The following TMEM132B variants were observed in gnomAD, a reference collection of about 807,000 sequenced individuals.
The protein encoded by TMEM132B is transmembrane protein 132B.
In TMEM132B, 18 loss-of-function variants were observed where a neutral mutation model predicts 90.8. The ratio of observed to expected loss-of-function variants is 0.20; its 90% CI spans 0.14 to 0.29. TMEM132B has a LOEUF of 0.29. Ranked by LOEUF, TMEM132B falls within the 10% of genes least tolerant of loss-of-function variation. TMEM132B has a pLI of 1.00. For missense variants in TMEM132B, 1,096 were observed against 1,326.8 expected, an observed-to-expected ratio of 0.83 and a Z score of 2.70; for synonymous variants, 504 against 523.3, an observed-to-expected ratio of 0.96 and a Z score of 0.50.
chr12:125,553,808 G>T (rs540877889), intron 4 of TMEM132B, among the ~76,000 whole-genome samples: 52 of 152,270 alleles, frequency 3.4e-4, no homozygotes, highest in African/African-American at 1.1e-3. Context: ...CAAAGTCTTG[G>T]ACAGGCAACA....
chr12:125,574,725 G>A (rs189851275), intron 4 of TMEM132B, among the ~76,000 whole-genome samples: 61 of 152,028 alleles, frequency 4.0e-4, no homozygotes, highest in Non-Finnish European at 8.1e-4. Context: ...TGTTGAAGAT[G>A]CCCTGTATTA....
intron 3 of TMEM132B, among the ~76,000 whole-genome samples, chr12:125,471,676 G>A (rs779178211): frequency 5.9e-5 from 9 of 152,186 alleles, no homozygotes; most frequent in Non-Finnish European, 2.9e-5. Context: ...TGACATATTG[G>A]AGATCTTAGC....
intron 1 of TMEM132B, among the ~76,000 whole-genome samples, chr12:125,308,987 A>G (rs1010715255): frequency 1.4e-4 from 22 of 152,308 alleles, no homozygotes; most frequent in African/African-American, 4.8e-4. Flanking sequence ...TTTTCAGCCA[A>G]CAATATATTC....
At chr12:125,494,415 C>A (rs1359604473) in intron 3 of TMEM132B, among the ~76,000 whole-genome samples, 2 of 134,576 alleles carry the variant, frequency 1.5e-5, no homozygotes, top group African/African-American at 5.6e-5. Context: ...ATGCCTCCTC[C>A]CCCTCCTCCC....
In TMEM132B at chr12:125,349,642, C is replaced by G. The variant is rs779291742; in HGVS notation, c.258C>G (p.Pro86=). 2 of 1,614,166 alleles carry G rather than the reference C, an allele frequency of 1.2e-6. No homozygotes were observed. Among genetic ancestry groups the G allele is most frequent in the South Asian group, 1.1e-5 (1 of 91,070 alleles). Residue 86 remains proline, a synonymous_variant, in exon 2 of 9, where the codon CCC becomes CCG. Transcript: ENST00000682704. The surrounding 1 kb of genome is among the most constrained non-coding windows in gnomAD (Gnocchi z 4.1). ...TCTTCATCTACCGAGCCAGGACACCCCCTATTATCAATGCCAGCTATGGCC... is the reference window on the plus strand; with the variant it reads ...TCTTCATCTACCGAGCCAGGACACCGCCTATTATCAATGCCAGCTATGGCC... ...EPFFIYRART[P]PIINASYGPF... is the part of the protein sequence containing the mutation.
chr12:125,551,849 C>G (rs1275560423), intron 4 of TMEM132B, among the ~76,000 whole-genome samples: 1 of 152,138 alleles, frequency 6.6e-6, no homozygotes, highest in Non-Finnish European at 1.5e-5. Flanking sequence ...GATCAAGGAT[C>G]TAACCTGGCA....
intron 2 of TMEM132B, among the ~76,000 whole-genome samples, chr12:125,353,855 A>G (rs1402933676): frequency 6.6e-6 from 1 of 152,214 alleles, no homozygotes; most frequent in Non-Finnish European, 1.5e-5. Context: ...CAGACTGTAG[A>G]AAGCCTTAGA....
intron 1 of TMEM132B, among the ~76,000 whole-genome samples, chr12:125,237,308 T>C (rs368728572): frequency 2.2e-4 from 33 of 152,142 alleles, no homozygotes; most frequent in African/African-American, 7.5e-4. Flanking sequence ...CTGGATCCTT[T>C]AGCTGTGACG....
At chr12:125,478,084 A>G (rs1881934860) in intron 3 of TMEM132B, among the ~76,000 whole-genome samples, 1 of 152,210 alleles carries the variant, frequency 6.6e-6, no homozygotes, top group Non-Finnish European at 1.5e-5. Context: ...AACAAAAAGG[A>G]CATCCACACC....
chr12:125,561,169 A>G (rs1198869659), intron 4 of TMEM132B, among the ~76,000 whole-genome samples: 1 of 152,244 alleles, frequency 6.6e-6, no homozygotes, highest in Admixed American at 6.5e-5. Flanking sequence ...TGGCACATAT[A>G]CACCATGGAA....
At chr12:125,517,213 T>C (rs563218813) in intron 3 of TMEM132B, among the ~76,000 whole-genome samples, 1 of 151,236 alleles carries the variant, frequency 6.6e-6, no homozygotes, top group African/African-American at 2.4e-5. Flanking sequence ...CAGGCTGGAG[T>C]GCAGCGGTGT....
intron 2 of TMEM132B, among the ~76,000 whole-genome samples, chr12:125,404,106 C>T (rs1180450189): frequency 2.0e-5 from 3 of 152,154 alleles, no homozygotes; most frequent in Non-Finnish European, 4.4e-5. Context: ...CTGGAGGTAA[C>T]ATTTGAACGT....
intron 1 of TMEM132B, among the ~76,000 whole-genome samples, chr12:125,274,629 AC>A (rs1485153256): frequency 6.6e-6 from 1 of 152,162 alleles, no homozygotes; most frequent in Non-Finnish European, 1.5e-5. Flanking sequence ...TTGGGGAAGA[AC>A]CCCAAAGAGG....
intron 4 of TMEM132B, among the ~76,000 whole-genome samples, chr12:125,553,753 A>G (rs979581297): frequency 5.3e-5 from 8 of 152,236 alleles, no homozygotes; most frequent in African/African-American, 1.9e-4. Context: ...ACAGCTTTCT[A>G]ATTTGCTAAT....
intron 1 of TMEM132B, among the ~76,000 whole-genome samples, chr12:125,342,606 CTG>C (rs1877219347): frequency 6.6e-6 from 1 of 152,228 alleles, no homozygotes; most frequent in African/African-American, 2.4e-5. Context: ...CCATTTTGTT[CTG>C]TGTCTGATTC....
chr12:125,421,273 TAAAG>T (rs1880158229), intron 3 of TMEM132B, among the ~76,000 whole-genome samples: 1 of 152,256 alleles, frequency 6.6e-6, no homozygotes, highest in African/African-American at 2.4e-5. Context: ...ATGCTGCTAA[TAAAG>T]ACATACCTAA....
rs74532596 is a variant in TMEM132B at position 125,427,239 on chromosome 12, T to C, written c.1106+11562T>C. On this transcript the variant is annotated intron_variant, in intron 3 of 8. Coordinates refer to ENST00000682704, the MANE Select transcript of TMEM132B (RefSeq NM_001366854.1). ...AAGAGGGAGGACTTTTCAGGATTCA[T>C]TGGAAGCAGACCTTCCTGATGCAAC... is the stretch of plus-strand genomic sequence containing the variant. 8.4e-3 allele frequency among the ~76,000 whole-genome samples: 1,286 copies of C among 152,310 alleles called. 12 individuals are homozygous for C. Among genetic ancestry groups the C allele is most frequent in the African/African-American group, 0.029 (1,215 of 41,546 alleles).
intron 5 of TMEM132B, among the ~76,000 whole-genome samples, chr12:125,639,565 T>C (rs1886576041): frequency 6.6e-6 from 1 of 152,174 alleles, no homozygotes; most frequent in Admixed American, 6.5e-5. Flanking sequence ...GTGGGGAAGA[T>C]AGATAAGAAA....
At chr12:125,212,374 G>A (rs1405633665) in intron 1 of TMEM132B, among the ~76,000 whole-genome samples, 1 of 151,932 alleles carries the variant, frequency 6.6e-6, no homozygotes, top group Non-Finnish European at 1.5e-5. Context: ...ACAGGGTCTT[G>A]CTATATTGCA....
Sources: allele counts gnomAD v4.1 joint callset (sites outside exome capture counted in the v4.1 genomes callset), GRCh38; gene constraint gnomAD v4.1.1; non-coding constraint Gnocchi (gnomAD v3.1); transcripts MANE v1.5; gene names NCBI Gene and HGNC (gene_info 2026-07-23, HGNC 2026-07-21).